Variants in NCKAP1 observed in about 807,000 individuals in gnomAD.
The protein encoded by NCKAP1 is nck-associated protein 1.
A neutral mutation model predicts 151.2 loss-of-function variants in NCKAP1; 21 were observed. The observed-to-expected ratio is 0.14, with a 90% confidence interval of 0.10 to 0.20. The LOEUF (loss-of-function observed/expected upper bound fraction) is 0.20, where lower values mean the gene tolerates loss of function less well. Ranked by LOEUF, NCKAP1 falls within the 10% of genes least tolerant of loss-of-function variation. NCKAP1 has a pLI of 1.00. For synonymous variants in NCKAP1, 484 were observed against 451.8 expected, an observed-to-expected ratio of 1.07 and a Z score of -0.90; for missense variants, 933 against 1,352.1, an observed-to-expected ratio of 0.69 and a Z score of 4.86.
rs1262134561 is a variant in NCKAP1, at chr2:182,911,704, T to C, written c.*13998A>G. ...GCTTTTATGTTAACACCTATACTACTACAATGAGAAAACAGATTGCTGTTG... is the reference window on the plus strand; with the variant it reads ...GCTTTTATGTTAACACCTATACTACCACAATGAGAAAACAGATTGCTGTTG... On this transcript the variant is annotated 3_prime_UTR_variant, in exon 31 of 31. Coordinates refer to ENST00000361354, the MANE Select transcript of NCKAP1 (RefSeq NM_013436.5). 1 of 152,030 alleles carries C rather than the reference T, an allele frequency of 6.6e-6. No homozygotes were observed. The highest frequency in any genetic ancestry group is 1.5e-5 in the Non-Finnish European group (1 of 67,986). 9.4% of individuals were successfully genotyped at this position (152,030 alleles called of 1,614,324 possible). A position where few individuals can be genotyped will look rare whatever the true frequency, so the allele number is the denominator to read the frequency against.
Position 182,909,892 on chromosome 2 carries a change from AGCCTCCTGATCCAAG to A in NCKAP1, c.*15795_*15809del, listed in dbSNP as rs1270381716. ...CCACCGATTTAGATAAGGGCCAAAT[AGCCTCCTGATCCAAG>A]GCCACAAATTCTGTCACATTTGGTG... On this transcript the variant is annotated 3_prime_UTR_variant, in exon 31 of 31. Transcript: ENST00000361354. The A allele has an allele frequency of 1.3e-5, 2 of 152,226 alleles. No individual in the cohort carries two copies. Among genetic ancestry groups the A allele is most frequent in the Non-Finnish European group, 2.9e-5 (2 of 68,042 alleles). 9.4% of individuals were successfully genotyped at this position (152,226 alleles called of 1,614,324 possible).
At chr2:182,983,521 T>C (rs1397241077) in intron 10 of NCKAP1, 139 bp from the exon 11 acceptor site, 1 of 553,602 alleles carries the variant, frequency 1.8e-6, no homozygotes. Flanking sequence ...ATCTTCTATG[T>C]GTCTATCGTT....
chr2:182,949,532 T>C (rs1302471920), intron 23 of NCKAP1, among the ~76,000 whole-genome samples: 1 of 152,230 alleles, frequency 6.6e-6, no homozygotes, highest in African/African-American at 2.4e-5. Flanking sequence ...CCAGGCACAG[T>C]GGCTCGTGCC....
At chr2:182,985,524 C>T (rs112391533) in intron 10 of NCKAP1, among the ~76,000 whole-genome samples, 2,898 of 150,298 alleles carry the variant, frequency 0.019, 105 homozygotes, top group African/African-American at 0.067. Context: ...AAATATTTGC[C>T]GGGCACGGTG....
In NCKAP1 at chr2:182,934,821, G is replaced by A; in HGVS notation, c.2790C>T (p.Tyr930=). ...AQEALRDVLS[Y]HIPFLVSSIE... is the part of the protein sequence containing the mutation. ...TTGAACTTACAAGAAAAGGAATGTGGTAGGATAAGACCTAGGCAGGATAAC... is the reference window on the plus strand; with the variant it reads ...TTGAACTTACAAGAAAAGGAATGTGATAGGATAAGACCTAGGCAGGATAAC... Residue 930 remains tyrosine, a synonymous_variant, in exon 26 of 31, where the codon TAC becomes TAT. Transcript: ENST00000361354. 6.8e-7 allele frequency: 1 copy of A among 1,473,790 alleles called. No individual in the cohort carries two copies. Among genetic ancestry groups the A allele is most frequent in the Non-Finnish European group, 9.4e-7 (1 of 1,058,924 alleles). 91.3% of individuals were successfully genotyped at this position (1,473,790 alleles called of 1,614,324 possible).
intron 1 of NCKAP1, among the ~76,000 whole-genome samples, chr2:183,027,031 T>C (rs1007900630): frequency 6.6e-6 from 1 of 152,184 alleles, no homozygotes; most frequent in African/African-American, 2.4e-5. Context: ...CTTTATTCAC[T>C]TTAAGCCTAA....
chr2:182,921,369 T>C lies in NCKAP1; in HGVS notation c.*4333A>G, dbSNP rs933918161. The C allele has an allele frequency of 6.6e-6, 1 of 152,210 alleles. No individual in the cohort carries two copies. 9.4% of individuals were successfully genotyped at this position (152,210 alleles called of 1,614,324 possible). A position where few individuals can be genotyped will look rare whatever the true frequency, so the allele number is the denominator to read the frequency against. On this transcript the variant is annotated 3_prime_UTR_variant, in exon 31 of 31. Coordinates refer to ENST00000361354, the MANE Select transcript of NCKAP1 (RefSeq NM_013436.5). ...GTGAAATAATTTCAAGCCTTAGCCATTGGCATTTGGTCAGTATGTGTATGT... is the reference window on the plus strand; with the variant it reads ...GTGAAATAATTTCAAGCCTTAGCCACTGGCATTTGGTCAGTATGTGTATGT...
intron 13 of NCKAP1, 90 bp from the exon 14 acceptor site, chr2:182,979,005 T>C: frequency 1.5e-6 from 1 of 685,344 alleles, no homozygotes; most frequent in Non-Finnish European, 2.5e-6. Flanking sequence ...AACAAACTGG[T>C]ATACCCATAC....
intron 23 of NCKAP1, among the ~76,000 whole-genome samples, chr2:182,945,953 A>G (rs1420761503): frequency 6.6e-6 from 1 of 152,228 alleles, no homozygotes; most frequent in Non-Finnish European, 1.5e-5. Flanking sequence ...TGTGGTACAT[A>G]TATATCATGA....
intron 8 of NCKAP1, among the ~76,000 whole-genome samples, chr2:182,991,166 CACTT>C (rs1212886981): frequency 1.3e-5 from 2 of 152,308 alleles, no homozygotes; most frequent in African/African-American, 4.8e-5. Context: ...AAATTTTTAT[CACTT>C]ACAAGTTAAA....
intron 6 of NCKAP1, 123 bp from the exon 7 acceptor site, chr2:182,995,961 C>T: frequency 1.2e-6 from 1 of 841,376 alleles, no homozygotes; most frequent in Non-Finnish European, 1.8e-6. Flanking sequence ...TAATTATACC[C>T]ATGCTCCTTA....
In NCKAP1 at chr2:182,925,569, A is replaced by T; in HGVS notation, c.*133T>A. The stretch of plus-strand genomic sequence containing the variant: ...CAACCATATTAAGAAACCAATGATC[A>T]GAAAATACAACCGTATGAAAGAAAT... On this transcript the variant is annotated 3_prime_UTR_variant, in exon 31 of 31. Transcript: ENST00000361354. 1 of 487,918 alleles carries T rather than the reference A, an allele frequency of 2.0e-6. No individual in the cohort carries two copies. Among genetic ancestry groups the T allele is most frequent in the Non-Finnish European group, 3.8e-6 (1 of 266,642 alleles). The allele number at this position is 487,918 out of a possible 1,614,324, so 30.2% of individuals were successfully genotyped here.
chr2:182,962,760 A>G (rs1441262540), intron 17 of NCKAP1, among the ~76,000 whole-genome samples: 4 of 151,666 alleles, frequency 2.6e-5, no homozygotes, highest in African/African-American at 9.7e-5. Context: ...TGAGAAATCA[A>G]TTTGGTAATA....
intron 2 of NCKAP1, among the ~76,000 whole-genome samples, chr2:183,011,269 T>C (rs1698585612): frequency 6.6e-6 from 1 of 152,238 alleles, no homozygotes; most frequent in African/African-American, 2.4e-5. Flanking sequence ...CATTTCTAGT[T>C]GTTCAAAATC....
rs1396751888 is a variant in NCKAP1 at position 182,925,208 on chromosome 2, T to C, written c.*494A>G. 1 of 152,296 alleles carries C rather than the reference T, an allele frequency of 6.6e-6. No homozygotes were observed. Among genetic ancestry groups the C allele is most frequent in the East Asian group, 1.9e-4 (1 of 5,196 alleles). 9.4% of individuals were successfully genotyped at this position (152,296 alleles called of 1,614,324 possible). On this transcript the variant is annotated 3_prime_UTR_variant, in exon 31 of 31. Transcript: ENST00000361354. The stretch of plus-strand genomic sequence containing the variant: ...GTTATACAGTGTTACAGTATTTAGT[T>C]TGGCAAATGTTTCAAAATAAAGTAG...
At chr2:182,968,072 A>T (rs1276708391) in intron 15 of NCKAP1, among the ~76,000 whole-genome samples, 1 of 152,168 alleles carries the variant, frequency 6.6e-6, no homozygotes, top group Non-Finnish European at 1.5e-5. Flanking sequence ...AAGAGAAGGG[A>T]AATAGTAAAA....
intron 1 of NCKAP1, among the ~76,000 whole-genome samples, chr2:183,024,725 GATGTT>G (rs1286228203): frequency 2.0e-5 from 3 of 152,160 alleles, no homozygotes; most frequent in African/African-American, 7.2e-5. Flanking sequence ...TTGCTAGCGA[GATGTT>G]ATTCCTTAGG....
At chr2:182,972,528 A>C (rs946249574) in intron 15 of NCKAP1, among the ~76,000 whole-genome samples, 4 of 152,160 alleles carry the variant, frequency 2.6e-5, no homozygotes, top group Non-Finnish European at 1.5e-5. Flanking sequence ...GTTCCTCAAA[A>C]ATTTGAAAAT....
intron 2 of NCKAP1, among the ~76,000 whole-genome samples, chr2:183,013,136 C>G (rs929907854): frequency 6.6e-6 from 1 of 152,106 alleles, no homozygotes; most frequent in African/African-American, 2.4e-5. Flanking sequence ...TTCCTACTGT[C>G]CTAGATGATT....
Sources: allele counts gnomAD v4.1 joint callset (sites outside exome capture counted in the v4.1 genomes callset), GRCh38; gene constraint gnomAD v4.1.1; transcripts MANE v1.5; gene names NCBI Gene and HGNC (gene_info 2026-07-23, HGNC 2026-07-21).